CERS6: variants seen among roughly 807,000 people sequenced by gnomAD.
CERS6 encodes LAG1 homolog, ceramide synthase 6.
In CERS6, 26 loss-of-function variants were observed where a neutral mutation model predicts 56.8. That is an observed-to-expected ratio of 0.46 (90% CI 0.34 to 0.63). The LOEUF (loss-of-function observed/expected upper bound fraction) is 0.63. Among genes scored for constraint, CERS6 ranks in the 30% least tolerant of loss-of-function variants. The pLI, the probability that CERS6 is intolerant of heterozygous loss-of-function variation, is 0.01. For missense variants in CERS6, 415 were observed against 467.5 expected, an observed-to-expected ratio of 0.89 and a Z score of 1.04; for synonymous variants, 164 against 173.3, an observed-to-expected ratio of 0.95 and a Z score of 0.42.
chr2:168,577,933 G>T (rs951266137), intron 3 of CERS6, among the ~76,000 whole-genome samples: 5 of 152,124 alleles, frequency 3.3e-5, no homozygotes, highest in Admixed American at 6.5e-5. Flanking sequence ...GTACATTGTC[G>T]TTTCTGGGGA....
At chr2:168,647,943 G>A (rs1452773879) in intron 4 of CERS6, among the ~76,000 whole-genome samples, 1 of 152,144 alleles carries the variant, frequency 6.6e-6, no homozygotes, top group Non-Finnish European at 1.5e-5. Context: ...TTGTGTTGAT[G>A]TTTATCAAGA....
At chr2:168,739,353 C>T (rs1222363166) in intron 8 of CERS6, among the ~76,000 whole-genome samples, 3 of 151,966 alleles carry the variant, frequency 2.0e-5, no homozygotes, top group Non-Finnish European at 4.4e-5. Context: ...TGAGCAAAAG[C>T]GGAGAGGGAA....
intron 3 of CERS6, among the ~76,000 whole-genome samples, chr2:168,576,227 C>T (rs1683266325): frequency 6.6e-6 from 1 of 152,146 alleles, no homozygotes; most frequent in Non-Finnish European, 1.5e-5. Flanking sequence ...TTGTGTGCCC[C>T]TTTAATAGTA....
intron 1 of CERS6, among the ~76,000 whole-genome samples, chr2:168,513,000 G>T (rs1386173971): frequency 2.0e-5 from 3 of 152,018 alleles, no homozygotes; most frequent in Non-Finnish European, 4.4e-5. Context: ...TCATTTTATT[G>T]TTGGTTTGTA....
intron 4 of CERS6, among the ~76,000 whole-genome samples, chr2:168,662,915 A>C (rs1685667808): frequency 6.6e-6 from 1 of 152,238 alleles, no homozygotes; most frequent in South Asian, 2.1e-4. Context: ...CCATGAAGAG[A>C]AGTCAGGCAT....
intron 1 of CERS6, among the ~76,000 whole-genome samples, chr2:168,500,945 A>G (rs1401430287): frequency 6.6e-6 from 1 of 152,234 alleles, no homozygotes; most frequent in Non-Finnish European, 1.5e-5. Flanking sequence ...CTTTATAACA[A>G]TTAAAGCGAC....
rs201966307 is a variant in CERS6, at chr2:168,456,608, A to G, written c.160A>G (p.Ile54Val). 16 of 1,613,382 alleles carry G rather than the reference A, an allele frequency of 9.9e-6. No homozygotes were observed. The Admixed American group carries it at 2.0e-4, about 20-fold the overall frequency. Reference protein sequence around the residue: ...LAFCIFMVRLIFERFVAKPCA... With the variant: ...LAFCIFMVRLVFERFVAKPCA... The stretch of plus-strand genomic sequence containing the variant: ...CTTCTGTATCTTCATGGTGCGGCTC[A>G]TCTTCGAGAGGTAAGAAGGGCTGAA... Residue 54 changes from isoleucine (I) to valine (V), a missense_variant, in exon 1 of 10, where the codon ATC becomes GTC. Transcript: ENST00000305747. The surrounding 1 kb of genome is among the most constrained non-coding windows in gnomAD (Gnocchi z 4.1).
intron 6 of CERS6, among the ~76,000 whole-genome samples, chr2:168,712,810 T>C (rs1313459279): frequency 6.6e-6 from 1 of 152,068 alleles, no homozygotes; most frequent in Non-Finnish European, 1.5e-5. Flanking sequence ...TTGGTTGTTT[T>C]CTCTGGCTTG....
chr2:168,548,079 A>G lies in CERS6; in HGVS notation c.276+378A>G, dbSNP rs1695499505. 4.6e-5 allele frequency among the ~76,000 whole-genome samples: 7 copies of G among 152,282 alleles called. No homozygotes were observed. In the South Asian group the frequency reaches 1.5e-3, roughly 32 times the overall value. On this transcript the variant is annotated intron_variant, in intron 2 of 9. Transcript: ENST00000305747. ...GAATGTGATTTATGTGTGTGCGAAA[A>G]AAGGGACCTCTTGGCTTGTAGCATT...
intron 1 of CERS6, among the ~76,000 whole-genome samples, chr2:168,542,476 T>C (rs1224247315): frequency 1.3e-5 from 2 of 152,224 alleles, no homozygotes; most frequent in African/African-American, 4.8e-5. Flanking sequence ...CATGTGTAGG[T>C]TTGTGTAGCC....
intron 1 of CERS6, among the ~76,000 whole-genome samples, chr2:168,477,825 A>T (rs746219256): frequency 1.3e-5 from 2 of 152,218 alleles, no homozygotes; most frequent in Non-Finnish European, 2.9e-5. Flanking sequence ...GAAAAATGGT[A>T]TTATTTTAAC....
At chr2:168,465,050 G>T (rs762352934) in intron 1 of CERS6, among the ~76,000 whole-genome samples, 2 of 152,222 alleles carry the variant, frequency 1.3e-5, no homozygotes, top group Non-Finnish European at 2.9e-5. Flanking sequence ...CAAAAGATTT[G>T]AAGTCAGGGT....
At chr2:168,523,050 T>A (rs1695009902) in intron 1 of CERS6, among the ~76,000 whole-genome samples, 1 of 152,228 alleles carries the variant, frequency 6.6e-6, no homozygotes, top group Non-Finnish European at 1.5e-5. Context: ...AGTACCTGAT[T>A]GATACTGACT....
chr2:168,564,881 T>C (rs192330203), intron 3 of CERS6, among the ~76,000 whole-genome samples: 13 of 152,362 alleles, frequency 8.5e-5, no homozygotes, highest in Admixed American at 3.3e-4. Flanking sequence ...TCTGTGTTGC[T>C]TGAAGACCAC....
intron 3 of CERS6, among the ~76,000 whole-genome samples, chr2:168,597,430 A>G (rs936469702): frequency 5.3e-5 from 8 of 152,184 alleles, no homozygotes; most frequent in African/African-American, 9.7e-5. Flanking sequence ...TAAGTAATGA[A>G]TCTGTCGGAT....
chr2:168,458,129 C>T (rs1573995612), intron 1 of CERS6, among the ~76,000 whole-genome samples: 1 of 151,964 alleles, frequency 6.6e-6, no homozygotes, highest in East Asian at 1.9e-4. Context: ...TGCAGGCTCT[C>T]CAAAAACAAG....
chr2:168,608,227 A>G (rs1266679905), intron 3 of CERS6, among the ~76,000 whole-genome samples: 2 of 152,248 alleles, frequency 1.3e-5, no homozygotes, highest in African/African-American at 4.8e-5. Flanking sequence ...TGAGTGCTTC[A>G]TTTGAATGGA....
At chr2:168,650,686 A>G (rs914954256) in intron 4 of CERS6, among the ~76,000 whole-genome samples, 2 of 151,716 alleles carry the variant, frequency 1.3e-5, no homozygotes, top group African/African-American at 4.8e-5. Context: ...TTTTTTTTAA[A>G]TGAAATTTGC....
intron 8 of CERS6, among the ~76,000 whole-genome samples, chr2:168,741,154 TGAAC>T (rs1255324902): frequency 6.6e-6 from 1 of 152,236 alleles, no homozygotes; most frequent in African/African-American, 2.4e-5. Flanking sequence ...TCTATATGAC[TGAAC>T]GAATTATCTA....
Sources: gnomAD v4.1 joint callset for allele counts (sites outside exome capture counted in the v4.1 genomes callset) on GRCh38, gnomAD v4.1.1 for gene constraint, Gnocchi (gnomAD v3.1) non-coding constraint, MANE v1.5 for transcripts, NCBI Gene and HGNC (gene_info 2026-07-23, HGNC 2026-07-21) for gene names.